Variants in OLFM3 observed in about 807,000 individuals in gnomAD.
OLFM3 encodes the protein noelin-3.
Under a neutral mutation model 48.6 loss-of-function variants are expected in OLFM3, and 20 were observed. The ratio of observed to expected loss-of-function variants is 0.41; its 90% CI spans 0.29 to 0.60. The LOEUF is 0.60. Among genes scored for constraint, OLFM3 ranks in the 20% least tolerant of loss-of-function variants. The probability of loss-of-function intolerance (pLI) is 0.28; values close to 1 mark genes in which losing one functional copy is unlikely to be tolerated. For synonymous variants in OLFM3, 222 were observed against 198.1 expected, an observed-to-expected ratio of 1.12 and a Z score of -1.01; for missense variants, 437 against 544.3, an observed-to-expected ratio of 0.80 and a Z score of 1.96.
intron 1 of OLFM3, among the ~76,000 whole-genome samples, chr1:101,885,947 C>T (rs998536602): frequency 2.0e-5 from 3 of 152,064 alleles, no homozygotes; most frequent in African/African-American, 7.2e-5. Context: ...CCCTAAGCCT[C>T]TCATTGTTCA....
intron 1 of OLFM3, among the ~76,000 whole-genome samples, chr1:101,914,119 A>C (rs1301008245): frequency 6.6e-6 from 1 of 152,178 alleles, no homozygotes; most frequent in Non-Finnish European, 1.5e-5. Context: ...GACATGCATA[A>C]TTAATTATAT....
intron 1 of OLFM3, among the ~76,000 whole-genome samples, chr1:101,975,952 G>T (rs894756518): frequency 6.6e-6 from 1 of 152,104 alleles, no homozygotes; most frequent in Non-Finnish European, 1.5e-5. Flanking sequence ...GAAAAAAACA[G>T]CCAACTTTTA....
chr1:101,921,102 G>A (rs1461053814), intron 1 of OLFM3, among the ~76,000 whole-genome samples: 1 of 151,734 alleles, frequency 6.6e-6, no homozygotes, highest in African/African-American at 2.4e-5. Context: ...AGTGGAAAAT[G>A]TAATAGTTAA....
At chr1:101,945,146 C>T (rs1659916056) in intron 1 of OLFM3, among the ~76,000 whole-genome samples, 2 of 152,110 alleles carry the variant, frequency 1.3e-5, no homozygotes, top group Admixed American at 1.3e-4. Context: ...TATTAGATAG[C>T]CATTTCACTT....
At chr1:101,835,154 G>A (rs993856395) in intron 2 of OLFM3, among the ~76,000 whole-genome samples, 11 of 152,086 alleles carry the variant, frequency 7.2e-5, no homozygotes, top group African/African-American at 2.2e-4. Context: ...TAGAAAAGAA[G>A]ATTTGGTGAA....
chr1:101,925,476 AGT>A (rs756706376), intron 1 of OLFM3, among the ~76,000 whole-genome samples: 63 of 149,718 alleles, frequency 4.2e-4, no homozygotes, highest in African/African-American at 1.0e-3. Flanking sequence ...TGTGTATGTG[AGT>A]GTGTGTGTGT....
intron 1 of OLFM3, among the ~76,000 whole-genome samples, chr1:101,895,412 T>TACACACACACACAC (rs35047632): frequency 7.6e-5 from 11 of 144,114 alleles, no homozygotes; most frequent in African/African-American, 2.8e-4. Flanking sequence ...AGCTCAAGAA[T>TACACACACACACAC]ACACACACAC....
chr1:101,805,271 T>C (rs1169036497), intron 5 of OLFM3, among the ~76,000 whole-genome samples: 6 of 151,752 alleles, frequency 4.0e-5, no homozygotes, highest in South Asian at 2.1e-4. Context: ...CTACAGCAAA[T>C]ACAACCTTCA....
At chr1:101,837,405 C>T (rs1655481563) in intron 1 of OLFM3, among the ~76,000 whole-genome samples, 1 of 151,972 alleles carries the variant, frequency 6.6e-6, no homozygotes, top group South Asian at 2.1e-4. Flanking sequence ...ATGACAATTA[C>T]TAATATTAAT....
intron 4 of OLFM3, among the ~76,000 whole-genome samples, chr1:101,811,817 C>T (rs1654067617): frequency 6.6e-6 from 1 of 152,028 alleles, no homozygotes; most frequent in Non-Finnish European, 1.5e-5. Context: ...ACCATTTGAC[C>T]CAGCCATCCC....
At position 101,879,669 on chromosome 1, in the gene OLFM3, A is replaced by ATGCC. The variant is rs1657442676; in HGVS notation, c.70-42648_70-42645dup. 2.6e-5 allele frequency among the ~76,000 whole-genome samples: 4 copies of ATGCC among 151,980 alleles called. No individual in the cohort carries two copies. The South Asian group carries it at 8.3e-4, about 31-fold the overall frequency. ...CTAGATTTAGCTATGGATTGATTGA[A>ATGCC]TGCCATTTTGGTAAATGTAATTCTG... is the stretch of plus-strand genomic sequence containing the variant. On this transcript the variant is annotated intron_variant, in intron 1 of 5. Coordinates refer to ENST00000370103, the MANE Select transcript of OLFM3 (RefSeq NM_058170.4).
Position 101,835,110 on chromosome 1 carries a change from C to A in OLFM3, c.216+1769G>T, listed in dbSNP as rs191747424. On this transcript the variant is annotated intron_variant, in intron 2 of 5. Transcript: ENST00000370103. ...GTATGGTGTCTAAGAAAATCTCTCA[C>A]CTTAGTTTATATAGAAAAAAAGATA... 1.4e-4 allele frequency among the ~76,000 whole-genome samples: 21 copies of A among 151,896 alleles called. No homozygotes were observed. In the East Asian group the frequency reaches 2.9e-3, roughly 21 times the overall value.
intron 1 of OLFM3, among the ~76,000 whole-genome samples, chr1:101,946,372 A>G (rs964265057): frequency 7.2e-5 from 11 of 152,230 alleles, no homozygotes; most frequent in African/African-American, 2.4e-4. Context: ...GACTTGAACA[A>G]CAGAAGTGGT....
chr1:101,912,502 T>C (rs571938660), intron 1 of OLFM3, among the ~76,000 whole-genome samples: 1 of 152,288 alleles, frequency 6.6e-6, no homozygotes, highest in African/African-American at 2.4e-5. Context: ...AGTTTAGAGA[T>C]GTAGAGCAAA....
At chr1:101,981,181 C>A (rs1432278671) in intron 1 of OLFM3, among the ~76,000 whole-genome samples, 1 of 152,146 alleles carries the variant, frequency 6.6e-6, no homozygotes, top group Non-Finnish European at 1.5e-5. Context: ...TCTCCCTACA[C>A]ATAAGTCATC....
intron 1 of OLFM3, among the ~76,000 whole-genome samples, chr1:101,971,031 G>C (rs1375495230): frequency 6.6e-6 from 1 of 152,192 alleles, no homozygotes; most frequent in Non-Finnish European, 1.5e-5. Context: ...TTTAGGTTTT[G>C]TTCTGAGATA....
At chr1:101,820,247 G>A (rs1347723833) in intron 4 of OLFM3, among the ~76,000 whole-genome samples, 1 of 152,086 alleles carries the variant, frequency 6.6e-6, no homozygotes, top group Non-Finnish European at 1.5e-5. Context: ...TCCCAAAGCT[G>A]TGTAATAGAA....
intron 1 of OLFM3, among the ~76,000 whole-genome samples, chr1:101,890,744 G>T (rs911740220): frequency 1.3e-5 from 2 of 151,836 alleles, no homozygotes; most frequent in Non-Finnish European, 2.9e-5. Flanking sequence ...TGAATATAAT[G>T]AATATCCTGA....
At chr1:101,990,582 A>C (rs1458105817) in intron 1 of OLFM3, among the ~76,000 whole-genome samples, 1 of 152,230 alleles carries the variant, frequency 6.6e-6, no homozygotes, top group African/African-American at 2.4e-5. Context: ...TTAGAGCTGA[A>C]AGCCACTTCT....
Sources: allele counts gnomAD v4.1 joint callset (sites outside exome capture counted in the v4.1 genomes callset), GRCh38; gene constraint gnomAD v4.1.1; transcripts MANE v1.5; gene names NCBI Gene and HGNC (gene_info 2026-07-23, HGNC 2026-07-21).